The following LINGO2 variants were observed in gnomAD, a reference collection of about 807,000 sequenced individuals.
LINGO2 encodes the protein leucine-rich repeat and immunoglobulin-like domain-containing nogo receptor-interacting protein 2.
In LINGO2, 14 loss-of-function variants were observed where a neutral mutation model predicts 30.6. That is an observed-to-expected ratio of 0.46 (90% CI 0.30 to 0.72). The LOEUF (loss-of-function observed/expected upper bound fraction) is 0.72, where lower values mean the gene tolerates loss of function less well. Ranked by LOEUF, LINGO2 falls within the 30% of genes least tolerant of loss-of-function variation. The pLI is 0.07. For synonymous variants in LINGO2, 317 were observed against 288.5 expected (o/e 1.10, Z -1.00); for missense variants, 729 against 751.7 (o/e 0.97, Z 0.35).
At chr9:28,470,747 G>A (rs979425227) in intron 2 of LINGO2, among the ~76,000 whole-genome samples, 30 of 151,964 alleles carry the variant, frequency 2.0e-4, no homozygotes, top group African/African-American at 7.0e-4. Flanking sequence ...AGATTATAAT[G>A]TATTAATTAG....
At chr9:28,871,429 G>A in the LINGO2 span, among the ~76,000 whole-genome samples, 7 of 151,652 alleles carry the variant, frequency 4.6e-5, no homozygotes, top group Non-Finnish European at 7.4e-5. Flanking sequence ...GAAAGTGGGA[G>A]GGAAAGCAAT....
intron 1 of LINGO2, among the ~76,000 whole-genome samples, chr9:28,637,767 A>G (rs1361601580): frequency 2.6e-5 from 4 of 152,182 alleles, no homozygotes; most frequent in Non-Finnish European, 2.9e-5. Flanking sequence ...TCATCTGCAA[A>G]CAGGGACAAT....
the LINGO2 span, among the ~76,000 whole-genome samples, chr9:29,133,114 A>T: frequency 1.3e-5 from 2 of 152,172 alleles, no homozygotes; most frequent in African/African-American, 2.4e-5. Flanking sequence ...TCTATCAATA[A>T]TGACACAGTC....
intron 4 of LINGO2, among the ~76,000 whole-genome samples, chr9:28,277,736 G>C (rs369563780): frequency 2.6e-5 from 4 of 151,864 alleles, no homozygotes; most frequent in African/African-American, 9.7e-5. Context: ...TTGAACCCAG[G>C]AGGTGGAGGT....
chr9:28,526,478 A>T (rs985822347), intron 1 of LINGO2, among the ~76,000 whole-genome samples: 1 of 152,214 alleles, frequency 6.6e-6, no homozygotes, highest in Non-Finnish European at 1.5e-5. Flanking sequence ...CTAGGTTTTC[A>T]GTTTTCCAAA....
chr9:28,228,336 T>C (rs1180672664), intron 4 of LINGO2, among the ~76,000 whole-genome samples: 1 of 152,018 alleles, frequency 6.6e-6, no homozygotes, highest in Non-Finnish European at 1.5e-5. Context: ...GCTAACTTTC[T>C]ATATAGCTTC....
At chr9:28,075,565 T>C (rs1182247111) in intron 4 of LINGO2, among the ~76,000 whole-genome samples, 2 of 151,980 alleles carry the variant, frequency 1.3e-5, no homozygotes, top group African/African-American at 2.4e-5. Context: ...CTCATCAAGA[T>C]TTGTTAATAA....
chr9:29,168,765 C>T, the LINGO2 span, among the ~76,000 whole-genome samples: 1 of 152,144 alleles, frequency 6.6e-6, no homozygotes, highest in African/African-American at 2.4e-5. Flanking sequence ...ACAGATACTT[C>T]CTTACTGATG....
At chr9:28,078,489 C>T (rs1825687151) in intron 4 of LINGO2, among the ~76,000 whole-genome samples, 1 of 148,296 alleles carries the variant, frequency 6.7e-6, no homozygotes, top group Non-Finnish European at 1.5e-5. Context: ...AATAGTGATC[C>T]TAGGAGCTAC....
At chr9:29,096,994 A>G in the LINGO2 span, among the ~76,000 whole-genome samples, 1,299 of 139,734 alleles carry the variant, frequency 9.3e-3, 244 homozygotes, top group African/African-American at 0.033. Context: ...AAACCTTATG[A>G]AATTTTTATA....
chr9:29,030,597 C>T, the LINGO2 span, among the ~76,000 whole-genome samples: 1 of 152,116 alleles, frequency 6.6e-6, no homozygotes, highest in Non-Finnish European at 1.5e-5. Flanking sequence ...TTCCTCAATT[C>T]AAATTTTCTC....
chr9:29,064,780 T>C, the LINGO2 span, among the ~76,000 whole-genome samples: 3 of 152,156 alleles, frequency 2.0e-5, 1 homozygote, highest in Admixed American at 2.0e-4. Context: ...GTAGAAGTGA[T>C]ACTTGATTAT....
the LINGO2 span, among the ~76,000 whole-genome samples, chr9:28,985,688 T>C: frequency 1.3e-5 from 2 of 152,110 alleles, no homozygotes; most frequent in African/African-American, 4.8e-5. Context: ...TTCAGGTCCC[T>C]TGCCCATTTT....
At chr9:29,083,952 T>A in the LINGO2 span, among the ~76,000 whole-genome samples, 5 of 152,034 alleles carry the variant, frequency 3.3e-5, no homozygotes, top group African/African-American at 4.8e-5. Context: ...CTTTTTTTCA[T>A]CCCTAAGAAC....
chr9:29,117,627 A>C, the LINGO2 span, among the ~76,000 whole-genome samples: 1 of 152,186 alleles, frequency 6.6e-6, no homozygotes, highest in Non-Finnish European at 1.5e-5. Flanking sequence ...CCCACCAGCC[A>C]AGAGCAATTT....
chr9:28,322,225 T>G (rs1311272018), intron 3 of LINGO2, among the ~76,000 whole-genome samples: 3 of 152,202 alleles, frequency 2.0e-5, no homozygotes, highest in African/African-American at 7.2e-5. Flanking sequence ...GGATGAATCC[T>G]TCTGATCATT....
chr9:28,372,979 T>A (rs1820963161), intron 2 of LINGO2, 111 bp from the exon 5 acceptor site: 1 of 151,206 alleles, frequency 6.6e-6, no homozygotes, highest in African/African-American at 2.4e-5. Flanking sequence ...TACCCATTTT[T>A]CTTGTTGACA....
At chr9:28,018,742 G>A (rs1366853035) in intron 4 of LINGO2, among the ~76,000 whole-genome samples, 1 of 152,048 alleles carries the variant, frequency 6.6e-6, no homozygotes, top group African/African-American at 2.4e-5. Flanking sequence ...ATACATTGCT[G>A]GGGGGAATGT....
At chr9:28,421,322 T>C (rs538259534) in intron 2 of LINGO2, among the ~76,000 whole-genome samples, 1 of 151,820 alleles carries the variant, frequency 6.6e-6, no homozygotes, top group East Asian at 1.9e-4. Flanking sequence ...TTTTAATTAA[T>C]CAGAAGGCTT....
Sources: gnomAD v4.1 joint callset for allele counts (sites outside exome capture counted in the v4.1 genomes callset) on GRCh38, gnomAD v4.1.1 for gene constraint, MANE v1.5 for transcripts, NCBI Gene and HGNC (gene_info 2026-07-23, HGNC 2026-07-21) for gene names.